The following DLG2 variants were observed in gnomAD, a reference collection of about 807,000 sequenced individuals.
DLG2 encodes disks large homolog 2.
In DLG2, 45 loss-of-function variants were observed where a neutral mutation model predicts 132.5. That is an observed-to-expected ratio of 0.34 (90% CI 0.27 to 0.44). DLG2 has a LOEUF of 0.44. Among genes scored for constraint, DLG2 ranks in the 20% least tolerant of loss-of-function variants. DLG2 has a pLI of 1.00. For synonymous variants in DLG2, 424 were observed against 419.6 expected (o/e 1.01, Z -0.13); for missense variants, 1,045 against 1,196.9 (o/e 0.87, Z 1.87).
At position 84,643,015 on chromosome 11, in the gene DLG2, G is replaced by GAGAT. The variant is rs2099669876; in HGVS notation, c.358-108288_358-108285dup. ...TCTCTAGTCTAAGCTGGTGATTAAAGAGATATCTTTCATTCTAAACTTAAT... is the reference window on the plus strand; with the variant it reads ...TCTCTAGTCTAAGCTGGTGATTAAAGAGATAGATATCTTTCATTCTAAACTTAAT... On this transcript the variant is annotated intron_variant, in intron 6 of 27. Transcript: ENST00000376104. Among the ~76,000 whole-genome samples the GAGAT allele has an allele frequency of 1.3e-5, 2 of 152,070 alleles. 1 individual carries two copies. Among genetic ancestry groups the GAGAT allele is most frequent in the African/African-American group, 4.8e-5 (2 of 41,396 alleles).
At chr11:85,413,742 C>G (rs2152984425) in intron 3 of DLG2, among the ~76,000 whole-genome samples, 1 of 152,122 alleles carries the variant, frequency 6.6e-6, no homozygotes, top group East Asian at 1.9e-4. Context: ...GTTCTGTATT[C>G]TATTCCATTG....
chr11:84,619,161 T>C lies in DLG2; in HGVS notation c.358-84430A>G, dbSNP rs1179778627. ...CTAGATTAAAATGAATTTCAGAGAA[T>C]AGTTACCATAAAAAGTTTTCTAGAT... On this transcript the variant is annotated intron_variant, in intron 6 of 27. Transcript: ENST00000376104. Among the ~76,000 whole-genome samples the C allele has an allele frequency of 3.9e-5, 6 of 152,012 alleles. No individual in the cohort carries two copies. The East Asian group carries it at 9.7e-4, about 25-fold the overall frequency.
chr11:84,429,909 G>A (rs2098978884), intron 7 of DLG2, among the ~76,000 whole-genome samples: 1 of 152,118 alleles, frequency 6.6e-6, no homozygotes, highest in Non-Finnish European at 1.5e-5. Flanking sequence ...AAGGCTATCT[G>A]GATACCTGGT....
chr11:83,530,809 T>A (rs1466432456), intron 21 of DLG2, among the ~76,000 whole-genome samples: 1 of 151,996 alleles, frequency 6.6e-6, no homozygotes. Context: ...TCTTTTTGCA[T>A]GTATATCTTG....
intron 6 of DLG2, among the ~76,000 whole-genome samples, chr11:85,002,575 CCTGGATGACCAA>C (rs1304706428): frequency 1.3e-5 from 2 of 152,104 alleles, no homozygotes; most frequent in African/African-American, 4.8e-5. Flanking sequence ...TGCTGGTTTA[CCTGGATGACCAA>C]CTTTTAAGTG....
chr11:84,862,203 T>C (rs897643927), intron 6 of DLG2, among the ~76,000 whole-genome samples: 6 of 151,334 alleles, frequency 4.0e-5, no homozygotes, highest in African/African-American at 7.3e-5. Context: ...AAATAAAAAA[T>C]AAAAAATAAA....
At chr11:85,270,933 G>A (rs1007164226) in intron 4 of DLG2, among the ~76,000 whole-genome samples, 14 of 152,288 alleles carry the variant, frequency 9.2e-5, no homozygotes, top group Non-Finnish European at 2.1e-4. Flanking sequence ...TTTGCAGCCT[G>A]ACAATCCGAT....
intron 8 of DLG2, among the ~76,000 whole-genome samples, chr11:84,237,414 C>A (rs2097172461): frequency 6.6e-6 from 1 of 152,182 alleles, no homozygotes; most frequent in Admixed American, 6.5e-5. Flanking sequence ...TTCCTCTCAG[C>A]ATGCCATTTG....
chr11:84,197,242 T>G (rs2154296118), intron 8 of DLG2, among the ~76,000 whole-genome samples: 1 of 152,248 alleles, frequency 6.6e-6, no homozygotes, highest in East Asian at 1.9e-4. Context: ...ACATACCTAA[T>G]ATATTCATTT....
At chr11:85,357,731 TATATATATATATATATATATATA>T (rs2083839749) in intron 3 of DLG2, among the ~76,000 whole-genome samples, 2 of 9,460 alleles carry the variant, frequency 2.1e-4, no homozygotes, top group Non-Finnish European at 1.9e-4. Context: ...TATATATATA[TATATATATATATATATATATATA>T]TATATATTTT....
chr11:83,914,603 G>A (rs2076612058), intron 15 of DLG2, among the ~76,000 whole-genome samples: 1 of 152,074 alleles, frequency 6.6e-6, no homozygotes, highest in Non-Finnish European at 1.5e-5. Flanking sequence ...CTATGAGATG[G>A]ATACTTTTTA....
chr11:84,749,579 T>C (rs1384277543), intron 6 of DLG2, among the ~76,000 whole-genome samples: 2 of 152,150 alleles, frequency 1.3e-5, no homozygotes, highest in African/African-American at 4.8e-5. Context: ...CCATGTAGCC[T>C]AGGTATATTG....
At chr11:84,894,875 C>G (rs2089973584) in intron 6 of DLG2, among the ~76,000 whole-genome samples, 1 of 145,680 alleles carries the variant, frequency 6.9e-6, no homozygotes, top group East Asian at 1.9e-4. Flanking sequence ...CCACAGCACA[C>G]CTGCTGAGAC....
chr11:83,901,658 A>G (rs183761923), intron 15 of DLG2, among the ~76,000 whole-genome samples: 66 of 152,336 alleles, frequency 4.3e-4, no homozygotes, highest in Middle Eastern at 3.4e-3. Flanking sequence ...TAAATTGCCC[A>G]GTCTTGGGTA....
rs189757127 is a variant in DLG2 at position 83,752,224 on chromosome 11, T to A, written c.1825+34466A>T. 1.4e-3 allele frequency among the ~76,000 whole-genome samples: 212 copies of A among 149,924 alleles called. 1 individual carries two copies. Among genetic ancestry groups the A allele is most frequent in the African/African-American group, 5.0e-3 (204 of 40,642 alleles). The stretch of plus-strand genomic sequence containing the variant: ...CGGAGCTTGCAGTGAGCTGAGATGG[T>A]GCCACTGCACTCCAGCCTGGTTGAC... On this transcript the variant is annotated intron_variant, in intron 18 of 27. Coordinates refer to ENST00000376104, the MANE Select transcript of DLG2 (RefSeq NM_001142699.3).
chr11:84,071,482 C>T lies in DLG2; in HGVS notation c.750-11998G>A, dbSNP rs543318641. 4.6e-5 allele frequency among the ~76,000 whole-genome samples: 7 copies of T among 152,072 alleles called. No homozygotes were observed. The East Asian group carries it at 1.2e-3, about 25-fold the overall frequency. On this transcript the variant is annotated intron_variant, in intron 10 of 27. Transcript: ENST00000376104. ...GTTCAGTGGCAGGATCATAGCTCAG[C>T]GCAGCCTTGAACTCCTGGGCTCAAT...
intron 8 of DLG2, among the ~76,000 whole-genome samples, chr11:84,204,390 C>G (rs1047316159): frequency 6.6e-6 from 1 of 152,130 alleles, no homozygotes; most frequent in African/African-American, 2.4e-5. Flanking sequence ...ATTGATTCAT[C>G]TAAACTGTAA....
At chr11:84,104,012 G>A (rs973414547) in intron 9 of DLG2, among the ~76,000 whole-genome samples, 1 of 151,894 alleles carries the variant, frequency 6.6e-6, no homozygotes, top group Non-Finnish European at 1.5e-5. Context: ...TTGTGTTCAA[G>A]GTTTGTTGCA....
In DLG2 at chr11:84,156,153, G is replaced by A. The variant is rs148782091; in HGVS notation, c.624+7308C>T. ...AAGGGAAAATTCAAAGATGCCTAGAGTATAATTCCACAAATTCCTTTTACT... is the reference window on the plus strand; with the variant it reads ...AAGGGAAAATTCAAAGATGCCTAGAATATAATTCCACAAATTCCTTTTACT... On this transcript the variant is annotated intron_variant, in intron 9 of 27. Coordinates refer to ENST00000376104, the MANE Select transcript of DLG2 (RefSeq NM_001142699.3). Among the ~76,000 whole-genome samples the A allele has an allele frequency of 5.9e-3, 898 of 152,266 alleles. 8 individuals carry two copies. Among genetic ancestry groups the A allele is most frequent in the Non-Finnish European group, 0.01 (712 of 68,022 alleles).
Sources: allele counts gnomAD v4.1 joint callset (sites outside exome capture counted in the v4.1 genomes callset), GRCh38; gene constraint gnomAD v4.1.1; transcripts MANE v1.5; gene names NCBI Gene and HGNC (gene_info 2026-07-23, HGNC 2026-07-21).